Variants in L2HGDH observed in about 807,000 individuals in gnomAD.
L2HGDH encodes L-2-hydroxyglutarate dehydrogenase.
Under a neutral mutation model 51.5 loss-of-function variants are expected in L2HGDH, and 34 were observed. The observed-to-expected ratio is 0.66, with a 90% CI of 0.50 to 0.88. The LOEUF (loss-of-function observed/expected upper bound fraction) is 0.88. Ranked by LOEUF, L2HGDH falls within the 40% of genes least tolerant of loss-of-function variation. The pLI is 0.00. For missense variants in L2HGDH, 558 were observed against 571.9 expected (o/e 0.98, Z 0.25); for synonymous variants, 198 against 197.9 (o/e 1.00, Z -0.01).
At chr14:50,291,395 T>A (rs1286849877) in intron 4 of L2HGDH, among the ~76,000 whole-genome samples, 1 of 151,918 alleles carries the variant, frequency 6.6e-6, no homozygotes, top group African/African-American at 2.4e-5. Flanking sequence ...CTTAAAAAAA[T>A]CAGTCACTAA....
At chr14:50,273,807 A>T (rs1011336237) in intron 6 of L2HGDH, among the ~76,000 whole-genome samples, 18 of 152,224 alleles carry the variant, frequency 1.2e-4, no homozygotes, top group African/African-American at 4.1e-4. Flanking sequence ...AAGGCCGGGC[A>T]CAGGGGCTCA....
intron 5 of L2HGDH, 122 bp from the exon 6 acceptor site, chr14:50,278,676 T>G: frequency 1.6e-6 from 1 of 617,884 alleles, no homozygotes; most frequent in Non-Finnish European, 2.9e-6. Context: ...CACCTTACAG[T>G]TCATTCTGAA....
At chr14:50,257,177 C>T (rs1486876953) in intron 9 of L2HGDH, among the ~76,000 whole-genome samples, 1 of 152,112 alleles carries the variant, frequency 6.6e-6, no homozygotes, top group African/African-American at 2.4e-5. Context: ...AATCCACCCT[C>T]CATGGCCTGG....
chr14:50,266,150 A>AG (rs1225181477), intron 8 of L2HGDH, among the ~76,000 whole-genome samples: 1 of 151,684 alleles, frequency 6.6e-6, no homozygotes, highest in Non-Finnish European at 1.5e-5. Flanking sequence ...ACTCAAAAAA[A>AG]AAAAAAAATA....
rs1327859788 is a variant in L2HGDH, at chr14:50,303,016, A to G, written c.142T>C (p.Ser48Pro). Residue 48 changes from serine to proline, a missense_variant and splice_region_variant, in exon 2 of 10, where the codon TCA becomes CCA. Coordinates refer to ENST00000267436, the MANE Select transcript of L2HGDH (RefSeq NM_024884.3). ...CGGSRSASTS[S>P]FDIVIVGGGI... is the part of the protein sequence containing the mutation. The stretch of plus-strand genomic sequence containing the variant: ...CCACCAACGATGACTATATCAAATG[A>G]GCTTCAAAAGAAAGTCATCTTTAAA... 1.3e-6 allele frequency: 2 copies of G among 1,587,424 alleles called. No homozygotes were observed. The highest frequency in any genetic ancestry group is 1.3e-5 in the African/African-American group (1 of 74,490).
At chr14:50,256,671 A>T (rs1233483233) in intron 9 of L2HGDH, among the ~76,000 whole-genome samples, 1 of 151,812 alleles carries the variant, frequency 6.6e-6, no homozygotes, top group Non-Finnish European at 1.5e-5. Context: ...ATCTAACCTG[A>T]TTTTCTAAGG....
At chr14:50,309,913 T>A (rs1209796932) in intron 1 of L2HGDH, among the ~76,000 whole-genome samples, 1 of 152,080 alleles carries the variant, frequency 6.6e-6, no homozygotes, top group Non-Finnish European at 1.5e-5. Context: ...CAGGCTGGTC[T>A]CCAACTCTGA....
At chr14:50,279,312 T>C (rs1043035149) in intron 5 of L2HGDH, among the ~76,000 whole-genome samples, 2 of 152,024 alleles carry the variant, frequency 1.3e-5, no homozygotes, top group East Asian at 3.9e-4. Context: ...AAATCTATCA[T>C]TTGGACAAAA....
intron 1 of L2HGDH, among the ~76,000 whole-genome samples, chr14:50,304,183 G>A (rs1443663963): frequency 2.6e-5 from 4 of 152,142 alleles, no homozygotes; most frequent in Non-Finnish European, 5.9e-5. Context: ...AAGTATCTGT[G>A]CATCTAAAAA....
intron 9 of L2HGDH, 144 bp from the exon 10 acceptor site, chr14:50,247,397 A>C (rs1172491012): frequency 7.5e-7 from 1 of 1,340,298 alleles, no homozygotes; most frequent in African/African-American, 1.5e-5. Context: ...GTTTAACCAA[A>C]GGCTGTCAGT....
At chr14:50,273,514 C>G (rs1035368931) in intron 6 of L2HGDH, among the ~76,000 whole-genome samples, 1 of 151,880 alleles carries the variant, frequency 6.6e-6, no homozygotes, top group Non-Finnish European at 1.5e-5. Context: ...ACTAAGACTC[C>G]TGGAAGAAAA....
At position 50,302,906 on chromosome 14, in the gene L2HGDH, A is replaced by G; in HGVS notation, c.252T>C (p.Asp84=). 2 of 1,605,492 alleles carry G rather than the reference A, an allele frequency of 1.2e-6. No homozygotes were observed. The highest frequency in any genetic ancestry group is 1.7e-6 in the Non-Finnish European group (2 of 1,172,316). Residue 84 remains aspartate, a synonymous_variant, in exon 2 of 10, where the codon GAT becomes GAC. Transcript: ENST00000267436. ...LSIGVLEKEK[D]LAVHQTGHNS... ...CAACATTGATTATATACATACCTAA[A>G]TCTTTCTCCTTTTCCAGAACACCAA...
At chr14:50,291,197 C>CAAAA (rs1159640500) in intron 4 of L2HGDH, among the ~76,000 whole-genome samples, 87 of 30,440 alleles carry the variant, frequency 2.9e-3, no homozygotes, top group East Asian at 5.1e-3. Context: ...GACTCCGTCT[C>CAAAA]AAAAAAAAAA....
In L2HGDH at chr14:50,245,840, G is replaced by A. The variant is rs770654055; in HGVS notation, c.*1218C>T. ...GTCATTAACAAAGTCAGGGATTCAG[G>A]GCTGAGCATGATGGCTCGCACCTGT... On this transcript the variant is annotated 3_prime_UTR_variant, in exon 10 of 10. Transcript: ENST00000267436. 1 of 984,934 alleles carries A rather than the reference G, an allele frequency of 1.0e-6. No homozygotes were observed. Among genetic ancestry groups the A allele is most frequent in the Non-Finnish European group, 1.2e-6 (1 of 829,534 alleles). 61.0% of individuals were successfully genotyped at this position (984,934 alleles called of 1,614,324 possible).
chr14:50,259,262 C>A (rs76712673), intron 9 of L2HGDH, among the ~76,000 whole-genome samples: 1,547 of 151,908 alleles, frequency 0.01, 24 homozygotes, highest in African/African-American at 0.035. Context: ...TATGCATGAG[C>A]CACAACACCC....
intron 4 of L2HGDH, chr14:50,287,261 T>C (rs1890612883): frequency 3.0e-6 from 3 of 984,212 alleles, no homozygotes; most frequent in Non-Finnish European, 1.2e-6. Flanking sequence ...AAAAGTTTTG[T>C]TTTTTTCAGT....
chr14:50,265,551 T>C, intron 8 of L2HGDH, 62 bp from the exon 9 acceptor site: 2 of 1,338,914 alleles, frequency 1.5e-6, no homozygotes, highest in East Asian at 2.5e-5. Context: ...TAAAATACCT[T>C]TATAATTATT....
chr14:50,261,065 C>A (rs755552628), intron 9 of L2HGDH, among the ~76,000 whole-genome samples: 1 of 151,758 alleles, frequency 6.6e-6, no homozygotes, highest in Non-Finnish European at 1.5e-5. Context: ...TGCAGTGAGC[C>A]GAGATGGCAC....
rs1480886425 is a variant in L2HGDH at position 50,244,370 on chromosome 14, A to T, written c.*2688T>A. ...TTGTTTCCTTTTCAGGGTATTGTACAGACTCAAATGGATTGAGGACTGCTT... is the reference window on the plus strand; with the variant it reads ...TTGTTTCCTTTTCAGGGTATTGTACTGACTCAAATGGATTGAGGACTGCTT... On this transcript the variant is annotated 3_prime_UTR_variant, in exon 10 of 10. Transcript: ENST00000267436. The T allele has an allele frequency of 1.0e-6, 1 of 984,914 alleles. No homozygotes were observed. The highest frequency in any genetic ancestry group is 1.2e-6 in the Non-Finnish European group (1 of 829,558). The allele number at this position is 984,914 out of a possible 1,614,324, so 61.0% of individuals were successfully genotyped here.
Sources: gnomAD v4.1 joint callset for allele counts (sites outside exome capture counted in the v4.1 genomes callset) on GRCh38, gnomAD v4.1.1 for gene constraint, MANE v1.5 for transcripts, NCBI Gene and HGNC (gene_info 2026-07-23, HGNC 2026-07-21) for gene names.